LPP: variants seen among roughly 807,000 people sequenced by gnomAD.
LPP encodes the protein lipoma-preferred partner.
LPP carries 38 observed loss-of-function variants against 60.4 expected under a neutral mutation model. That is an observed-to-expected ratio of 0.63 (90% CI 0.49 to 0.83). The LOEUF (loss-of-function observed/expected upper bound fraction) is 0.83, where lower values mean the gene tolerates loss of function less well. Among genes scored for constraint, LPP ranks in the 40% least tolerant of loss-of-function variants. The pLI is 0.00. For missense variants in LPP, 902 were observed against 783.6 expected, an observed-to-expected ratio of 1.15 and a Z score of -1.80; for synonymous variants, 328 against 290.8, an observed-to-expected ratio of 1.13 and a Z score of -1.30.
chr3:188,558,255 A>G (rs551403973), intron 6 of LPP, among the ~76,000 whole-genome samples: 1 of 152,220 alleles, frequency 6.6e-6, no homozygotes, highest in Non-Finnish European at 1.5e-5. Context: ...TACTCTGTAG[A>G]GTTCATATCC....
intron 9 of LPP, among the ~76,000 whole-genome samples, chr3:188,786,395 A>C (rs76027412): frequency 6.7e-6 from 1 of 148,570 alleles, no homozygotes; most frequent in Non-Finnish European, 1.5e-5. Flanking sequence ...AAAAAAAAAA[A>C]AAAAAAAAAA....
intron 6 of LPP, among the ~76,000 whole-genome samples, chr3:188,542,174 T>C (rs1164670937): frequency 6.6e-6 from 1 of 152,214 alleles, no homozygotes; most frequent in African/African-American, 2.4e-5. Context: ...TGTCAACTGT[T>C]TGATCTCTCT....
intron 4 of LPP, among the ~76,000 whole-genome samples, chr3:188,478,647 G>T (rs1803883634): frequency 6.6e-6 from 1 of 151,994 alleles, no homozygotes; most frequent in Non-Finnish European, 1.5e-5. Flanking sequence ...TGAAATAAAG[G>T]GTAGAGCTGG....
chr3:188,240,954 T>C (rs539387460), intron 2 of LPP, among the ~76,000 whole-genome samples: 4 of 152,330 alleles, frequency 2.6e-5, no homozygotes, highest in East Asian at 1.9e-4. Context: ...TCCTTAACTA[T>C]ATGATTCTTT....
chr3:188,801,338 A>G (rs1176236491), intron 9 of LPP, among the ~76,000 whole-genome samples: 4 of 152,188 alleles, frequency 2.6e-5, no homozygotes, highest in Non-Finnish European at 5.9e-5. Flanking sequence ...AGAAATCTCT[A>G]ATGCATTCTA....
chr3:188,167,742 T>C (rs1275539820), intron 1 of LPP, among the ~76,000 whole-genome samples: 2 of 152,198 alleles, frequency 1.3e-5, no homozygotes, highest in Non-Finnish European at 2.9e-5. Context: ...AGAAGAATTA[T>C]AGCACAAAAG....
intron 9 of LPP, among the ~76,000 whole-genome samples, chr3:188,798,263 C>A (rs537051811): frequency 6.6e-6 from 1 of 152,256 alleles, no homozygotes; most frequent in East Asian, 1.9e-4. Flanking sequence ...CTAATTAGTT[C>A]AAGTTGGCAC....
chr3:188,676,151 G>A (rs139326628), intron 7 of LPP, among the ~76,000 whole-genome samples: 5 of 152,244 alleles, frequency 3.3e-5, no homozygotes, highest in African/African-American at 1.2e-4. Flanking sequence ...AGTCACCACC[G>A]TATTCTGGTG....
intron 6 of LPP, among the ~76,000 whole-genome samples, chr3:188,540,059 T>C (rs1020348487): frequency 1.3e-5 from 2 of 152,216 alleles, no homozygotes; most frequent in African/African-American, 2.4e-5. Flanking sequence ...TATAGATGTT[T>C]CATTTGTTAA....
intron 2 of LPP, 120 bp from the exon 3 acceptor site, chr3:188,341,543 T>G (rs1308480809): frequency 4.6e-6 from 1 of 218,862 alleles, no homozygotes; most frequent in African/African-American, 2.4e-5. Flanking sequence ...GCAATGAATG[T>G]GAAAATGTTT....
chr3:188,273,453 C>T lies in LPP; in HGVS notation c.-67+47926C>T, dbSNP rs950404186. 3.9e-5 allele frequency among the ~76,000 whole-genome samples: 6 copies of T among 152,282 alleles called. No individual in the cohort carries two copies. The South Asian group carries it at 8.3e-4, about 21-fold the overall frequency. On this transcript the variant is annotated intron_variant, in intron 2 of 11. Coordinates refer to ENST00000617246, the MANE Select transcript of LPP (RefSeq NM_001375462.1). Reference sequence around the variant, plus strand: ...TAGAAGTGAACCATAAACCCTAAGCCAAGGGCTATAAAATACTTTAAAATT... The same window carrying T: ...TAGAAGTGAACCATAAACCCTAAGCTAAGGGCTATAAAATACTTTAAAATT...
intron 2 of LPP, among the ~76,000 whole-genome samples, chr3:188,294,866 G>A (rs560671625): frequency 4.5e-4 from 69 of 152,372 alleles, no homozygotes; most frequent in African/African-American, 1.6e-3. Context: ...GAAGGAACAA[G>A]CTCCCGCTTA....
In LPP at chr3:188,866,213, A is replaced by C; in HGVS notation, c.1424A>C (p.Gln475Pro). 1.3e-6 allele frequency: 2 copies of C among 1,520,248 alleles called. No individual in the cohort carries two copies. The highest frequency in any genetic ancestry group is 1.8e-6 in the Non-Finnish European group (2 of 1,128,774). 94.2% of individuals were successfully genotyped at this position (1,520,248 alleles called of 1,614,324 possible). A position where few individuals can be genotyped will look rare whatever the true frequency, so the allele number is the denominator to read the frequency against. ...TTCCTTCCCCAGAATACTCTGGAGC[A>C]GTGCAATGTGTGTTCCAAGCCCATC... ...CEPCYINTLE[Q>P]CNVCSKPIME... is the part of the protein sequence containing the mutation. Residue 475 changes from glutamine to proline, a missense_variant, in exon 10 of 12, where the codon CAG (glutamine) becomes CCG (proline). Physicochemically the swap from Gln to Pro is moderately conservative, Grantham distance 76. Coordinates refer to ENST00000617246, the MANE Select transcript of LPP (RefSeq NM_001375462.1).
At chr3:188,404,513 G>A (rs953073362) in intron 3 of LPP, among the ~76,000 whole-genome samples, 11 of 152,274 alleles carry the variant, frequency 7.2e-5, no homozygotes, top group Non-Finnish European at 1.5e-4. Flanking sequence ...CAAAGTGCTC[G>A]GATTAGAGGC....
At chr3:188,224,355 A>G (rs912830018) in intron 1 of LPP, among the ~76,000 whole-genome samples, 1 of 152,178 alleles carries the variant, frequency 6.6e-6, no homozygotes, top group Non-Finnish European at 1.5e-5. Flanking sequence ...TGGGCATGGT[A>G]GTTTCTCGTA....
intron 6 of LPP, among the ~76,000 whole-genome samples, chr3:188,555,143 G>A (rs563085773): frequency 4.6e-5 from 7 of 152,226 alleles, no homozygotes; most frequent in South Asian, 4.1e-4. Context: ...AAGCACAAGC[G>A]TGAAAAGTCT....
chr3:188,471,955 A>G (rs377541961), intron 4 of LPP, among the ~76,000 whole-genome samples: 2 of 152,198 alleles, frequency 1.3e-5, no homozygotes, highest in South Asian at 2.1e-4. Flanking sequence ...TGAAGTGACT[A>G]TTATTACTAG....
chr3:188,869,580 T>C (rs1767551784), intron 10 of LPP, among the ~76,000 whole-genome samples: 1 of 152,194 alleles, frequency 6.6e-6, no homozygotes, highest in African/African-American at 2.4e-5. Flanking sequence ...CGTGAGCCAC[T>C]GCACCCAGCC....
At chr3:188,472,163 TA>T (rs1802013828) in intron 4 of LPP, among the ~76,000 whole-genome samples, 1 of 152,170 alleles carries the variant, frequency 6.6e-6, no homozygotes, top group Admixed American at 6.5e-5. Context: ...TAACCCCAAA[TA>T]AAATTAGATG....
Sources: gnomAD v4.1 joint callset for allele counts (sites outside exome capture counted in the v4.1 genomes callset) on GRCh38, gnomAD v4.1.1 for gene constraint, MANE v1.5 for transcripts, NCBI Gene and HGNC (gene_info 2026-07-23, HGNC 2026-07-21) for gene names.